Variants in SAMD12 observed in about 807,000 individuals in gnomAD.
SAMD12 encodes the protein sterile alpha motif domain-containing protein 12.
Under a neutral mutation model 15.0 loss-of-function variants are expected in SAMD12, and 9 were observed. The observed-to-expected ratio is 0.60, with a 90% CI of 0.36 to 1.05. The LOEUF (loss-of-function observed/expected upper bound fraction) is 1.05, where lower values mean the gene tolerates loss of function less well. SAMD12 is among the 50% of genes least tolerant of loss of function. SAMD12 has a pLI of 0.01. For missense variants in SAMD12, 230 were observed against 234.2 expected, an observed-to-expected ratio of 0.98 and a Z score of 0.12; for synonymous variants, 86 against 90.1, an observed-to-expected ratio of 0.96 and a Z score of 0.25.
At chr8:118,283,043 T>G (rs975504462) in intron 4 of SAMD12, among the ~76,000 whole-genome samples, 1 of 152,188 alleles carries the variant, frequency 6.6e-6, no homozygotes, top group African/African-American at 2.4e-5. Context: ...GTTCTAAGTA[T>G]AGTGGCATGT....
intron 3 of SAMD12, among the ~76,000 whole-genome samples, chr8:118,432,309 T>TG (rs1049731041): frequency 2.6e-5 from 4 of 152,038 alleles, no homozygotes; most frequent in African/African-American, 9.6e-5. Context: ...TTGTAATTTT[T>TG]TGTGTGTGTC....
At chr8:118,269,137 C>T (rs1358583177) in intron 4 of SAMD12, among the ~76,000 whole-genome samples, 2 of 149,510 alleles carry the variant, frequency 1.3e-5, no homozygotes, top group African/African-American at 4.9e-5. Context: ...TGTCCTCTTT[C>T]CTATTATTTT....
intron 2 of SAMD12, among the ~76,000 whole-genome samples, chr8:118,554,251 C>G (rs1427335236): frequency 1.3e-5 from 2 of 152,028 alleles, no homozygotes; most frequent in African/African-American, 4.8e-5. Flanking sequence ...TATTGCGGCA[C>G]TATTCACAAT....
chr8:118,343,653 T>A (rs1817486963), intron 4 of SAMD12, among the ~76,000 whole-genome samples: 1 of 152,164 alleles, frequency 6.6e-6, no homozygotes, highest in African/African-American at 2.4e-5. Context: ...TTGCCTTACC[T>A]CATCCTGGCC....
At chr8:118,238,327 C>T (rs887489293) in intron 4 of SAMD12, among the ~76,000 whole-genome samples, 3 of 152,202 alleles carry the variant, frequency 2.0e-5, no homozygotes, top group African/African-American at 4.8e-5. Flanking sequence ...CCAGAATTTT[C>T]CTTTGTGATA....
At chr8:118,512,828 C>A (rs1825123688) in intron 2 of SAMD12, among the ~76,000 whole-genome samples, 1 of 152,096 alleles carries the variant, frequency 6.6e-6, no homozygotes, top group African/African-American at 2.4e-5. Context: ...ATAGACTATT[C>A]TTCAAAGCCA....
At chr8:118,274,030 C>T (rs1176965758) in intron 4 of SAMD12, among the ~76,000 whole-genome samples, 1 of 152,190 alleles carries the variant, frequency 6.6e-6, no homozygotes, top group Non-Finnish European at 1.5e-5. Flanking sequence ...TTGGTGCTCA[C>T]TAAATTACAG....
chr8:118,397,897 A>C (rs1384977788), intron 3 of SAMD12, among the ~76,000 whole-genome samples: 1 of 152,014 alleles, frequency 6.6e-6, no homozygotes, highest in Non-Finnish European at 1.5e-5. Flanking sequence ...GGCTCAAGCG[A>C]TCCTCCCATC....
At chr8:118,450,761 A>C (rs1316070083) in intron 2 of SAMD12, among the ~76,000 whole-genome samples, 3 of 152,158 alleles carry the variant, frequency 2.0e-5, no homozygotes, top group African/African-American at 7.2e-5. Context: ...GGGTGGTAGA[A>C]GGGAGCCATG....
chr8:118,357,335 T>C (rs6469742), intron 4 of SAMD12, among the ~76,000 whole-genome samples: 2,027 of 152,342 alleles, frequency 0.013, 36 homozygotes, highest in African/African-American at 0.044. Context: ...CCTCTTGGGC[T>C]CAAGCGATTC....
chr8:118,193,152 T>A (rs2129738617), exon 5 of SAMD12: 1 of 152,366 alleles, frequency 6.6e-6, no homozygotes, highest in East Asian at 1.9e-4. Flanking sequence ...CCTGTGGAGC[T>A]AAGGTGATGG....
chr8:118,331,796 A>T (rs142504900), intron 4 of SAMD12, among the ~76,000 whole-genome samples: 2,445 of 152,342 alleles, frequency 0.016, 31 homozygotes, highest in South Asian at 0.04. Flanking sequence ...CTTAAACTAG[A>T]ACAACAAAAA....
At chr8:118,137,678 G>T in the SAMD12 span, among the ~76,000 whole-genome samples, 3 of 152,050 alleles carry the variant, frequency 2.0e-5, no homozygotes, top group East Asian at 5.8e-4. Context: ...ATGCTCTTTT[G>T]GCATCCCTGG....
chr8:118,269,378 C>T (rs998219304), intron 4 of SAMD12, among the ~76,000 whole-genome samples: 2 of 151,982 alleles, frequency 1.3e-5, no homozygotes, highest in African/African-American at 4.8e-5. Flanking sequence ...ATTTTATCAA[C>T]AGCTATTTAT....
intron 4 of SAMD12, among the ~76,000 whole-genome samples, chr8:118,247,614 A>C (rs1812727059): frequency 6.6e-6 from 1 of 151,798 alleles, no homozygotes; most frequent in African/African-American, 2.4e-5. Context: ...TTTTTTTGAG[A>C]TGGAGTCTCA....
the SAMD12 span, among the ~76,000 whole-genome samples, chr8:118,159,741 G>A: frequency 9.2e-5 from 13 of 140,680 alleles, no homozygotes; most frequent in Non-Finnish European, 9.1e-5. Flanking sequence ...TTGAGAGGGC[G>A]TCTCACTCTT....
intron 3 of SAMD12, among the ~76,000 whole-genome samples, chr8:118,420,669 A>G (rs1414875911): frequency 6.6e-6 from 1 of 152,212 alleles, no homozygotes; most frequent in Non-Finnish European, 1.5e-5. Flanking sequence ...TTCCGGATGT[A>G]AGAATTAGAG....
intron 4 of SAMD12, among the ~76,000 whole-genome samples, chr8:118,240,491 C>G (rs189686879): frequency 6.6e-6 from 1 of 152,106 alleles, no homozygotes; most frequent in Non-Finnish European, 1.5e-5. Flanking sequence ...TTTGTAACCT[C>G]GGGCAACTCA....
chr8:118,489,733 G>A (rs1375347699), intron 2 of SAMD12, among the ~76,000 whole-genome samples: 5 of 152,026 alleles, frequency 3.3e-5, no homozygotes, highest in Admixed American at 6.6e-5. Context: ...TTTTTAGCTC[G>A]TAATGTCCTT....
Sources: gnomAD v4.1 joint callset for allele counts (sites outside exome capture counted in the v4.1 genomes callset) on GRCh38, gnomAD v4.1.1 for gene constraint, MANE v1.5 for transcripts, NCBI Gene and HGNC (gene_info 2026-07-23, HGNC 2026-07-21) for gene names.